The following ERC2 variants were observed in gnomAD, a reference collection of about 807,000 sequenced individuals.
The protein encoded by ERC2 is ERC protein 2.
A neutral mutation model predicts 114.8 loss-of-function variants in ERC2; 42 were observed. That is an observed-to-expected ratio of 0.37 (90% CI 0.29 to 0.47). ERC2 has a LOEUF of 0.47. Among genes scored for constraint, ERC2 ranks in the 20% least tolerant of loss-of-function variants. The probability of loss-of-function intolerance (pLI) is 0.99; values close to 1 mark genes in which losing one functional copy is unlikely to be tolerated. For synonymous variants in ERC2, 454 were observed against 425.5 expected (o/e 1.07, Z -0.82); for missense variants, 939 against 1,150.7 (o/e 0.82, Z 2.66).
intron 17 of ERC2, among the ~76,000 whole-genome samples, chr3:55,568,394 T>C (rs2056505095): frequency 6.6e-6 from 1 of 152,168 alleles, no homozygotes; most frequent in Non-Finnish European, 1.5e-5. Flanking sequence ...TCAAAATTAA[T>C]ATGTCCAAAC....
rs184678700 is a variant in ERC2 at position 56,080,943 on chromosome 3, G to A, written c.1515C>T (p.Phe505=). Residue 505 remains phenylalanine (F), a synonymous_variant, in exon 7 of 18, where the codon TTC becomes TTT. Coordinates refer to ENST00000288221, the MANE Select transcript of ERC2 (RefSeq NM_015576.3). ...GTAGCTGTTTTGTTTTTTTATTGAGGAAAGATTCTTTTTCTTCCAGTCGTA... is the reference window on the plus strand; with the variant it reads ...GTAGCTGTTTTGTTTTTTTATTGAGAAAAGATTCTTTTTCTTCCAGTCGTA... ...LRLRLEEKES[F]LNKKTKQLQD... is the part of the protein sequence containing the mutation. The A allele has an allele frequency of 1.5e-3, 2,407 of 1,613,194 alleles. 6 individuals carry two copies. The highest frequency in any genetic ancestry group is 1.9e-3 in the Non-Finnish European group (2,233 of 1,179,544).
intron 3 of ERC2, among the ~76,000 whole-genome samples, chr3:56,236,930 T>C (rs958027130): frequency 1.3e-5 from 2 of 152,186 alleles, no homozygotes; most frequent in Non-Finnish European, 2.9e-5. Flanking sequence ...ACACGAATGT[T>C]GGTAAAAACA....
At chr3:55,652,859 C>CAA (rs3059334) in intron 17 of ERC2, among the ~76,000 whole-genome samples, 28 of 74,340 alleles carry the variant, frequency 3.8e-4, no homozygotes, top group African/African-American at 1.2e-3. Flanking sequence ...GACTCTGTCT[C>CAA]AAAAAAAAAA....
At chr3:56,331,198 G>A (rs576230312) in intron 2 of ERC2, among the ~76,000 whole-genome samples, 1 of 152,282 alleles carries the variant, frequency 6.6e-6, no homozygotes, top group East Asian at 1.9e-4. Flanking sequence ...TCAGTTTAGA[G>A]AGAATCCCCT....
intron 13 of ERC2, among the ~76,000 whole-genome samples, chr3:55,898,510 G>A (rs189999319): frequency 6.6e-6 from 1 of 152,104 alleles, no homozygotes; most frequent in African/African-American, 2.4e-5. Context: ...CTCTATGTAC[G>A]TCAGCTTCCT....
At chr3:55,682,440 G>C (rs1017450324) in intron 17 of ERC2, among the ~76,000 whole-genome samples, 1 of 152,064 alleles carries the variant, frequency 6.6e-6, no homozygotes. Context: ...GTAGAAAGAT[G>C]TCGTACCTGA....
chr3:55,672,896 A>G (rs2061623282), intron 17 of ERC2, among the ~76,000 whole-genome samples: 1 of 152,198 alleles, frequency 6.6e-6, no homozygotes, highest in Admixed American at 6.5e-5. Flanking sequence ...CTCACATGAA[A>G]AAATGGCTCA....
chr3:56,215,487 A>T (rs2049395815), intron 3 of ERC2, among the ~76,000 whole-genome samples: 1 of 152,256 alleles, frequency 6.6e-6, no homozygotes, highest in Admixed American at 6.5e-5. Context: ...ACCCAGATTC[A>T]TAAAGTAAGT....
intron 17 of ERC2, among the ~76,000 whole-genome samples, chr3:55,511,774 T>A (rs2052085718): frequency 6.6e-6 from 1 of 152,186 alleles, no homozygotes. Flanking sequence ...GTGACAGTCA[T>A]CCATTTGTCT....
intron 17 of ERC2, among the ~76,000 whole-genome samples, chr3:55,532,968 G>A (rs6776868): frequency 0.015 from 2,241 of 152,304 alleles, 59 homozygotes; most frequent in African/African-American, 0.051. Context: ...AAAACTGCCT[G>A]AAACCCTTCT....
At chr3:56,070,254 G>A (rs767034436) in intron 7 of ERC2, among the ~76,000 whole-genome samples, 15 of 152,116 alleles carry the variant, frequency 9.9e-5, no homozygotes, top group African/African-American at 3.6e-4. Context: ...AGTATGTAGG[G>A]AGAAAAACAG....
intron 17 of ERC2, among the ~76,000 whole-genome samples, chr3:55,568,107 T>G (rs2056486289): frequency 6.6e-6 from 1 of 152,244 alleles, no homozygotes; most frequent in Admixed American, 6.5e-5. Flanking sequence ...GAATCTATAT[T>G]CTGCTCATTA....
intron 2 of ERC2, among the ~76,000 whole-genome samples, chr3:56,340,992 T>C (rs1399904211): frequency 6.6e-6 from 1 of 152,020 alleles, no homozygotes; most frequent in Non-Finnish European, 1.5e-5. Context: ...GGGGAAAAAA[T>C]CCTGAAACTA....
At chr3:56,006,491 A>G (rs1000090599) in intron 10 of ERC2, among the ~76,000 whole-genome samples, 4 of 152,086 alleles carry the variant, frequency 2.6e-5, no homozygotes, top group African/African-American at 9.7e-5. Context: ...TATGAGTTTT[A>G]TGTGAACAAT....
At chr3:56,309,464 C>T (rs572080050) in intron 2 of ERC2, among the ~76,000 whole-genome samples, 1 of 152,284 alleles carries the variant, frequency 6.6e-6, no homozygotes, top group Admixed American at 6.5e-5. Context: ...CTGCACTGAG[C>T]TTAGAGTTAA....
chr3:56,116,100 C>T (rs1224399326), intron 6 of ERC2, among the ~76,000 whole-genome samples: 2 of 152,198 alleles, frequency 1.3e-5, no homozygotes, highest in East Asian at 3.9e-4. Context: ...CTGTATGGTC[C>T]CATGTGGCAG....
chr3:55,738,494 C>T (rs1055481728), intron 14 of ERC2, among the ~76,000 whole-genome samples: 1 of 152,114 alleles, frequency 6.6e-6, no homozygotes, highest in African/African-American at 2.4e-5. Context: ...ATATAATTTG[C>T]TCATTTTCCC....
At chr3:56,454,859 AG>A (rs57925640) in intron 1 of ERC2, among the ~76,000 whole-genome samples, 96,910 of 125,550 alleles carry the variant, frequency 0.77, 37,142 homozygotes, top group East Asian at 0.87. Context: ...ACTCTGTCTC[AG>A]AAAAAAAAAA....
intron 1 of ERC2, among the ~76,000 whole-genome samples, chr3:56,454,425 AG>A (rs1264683738): frequency 1.3e-5 from 2 of 152,068 alleles, no homozygotes; most frequent in Non-Finnish European, 2.9e-5. Context: ...AGGGTGTAGA[AG>A]TCCCAGGGTT....
Sources: allele counts gnomAD v4.1 joint callset (sites outside exome capture counted in the v4.1 genomes callset), GRCh38; gene constraint gnomAD v4.1.1; transcripts MANE v1.5; gene names NCBI Gene and HGNC (gene_info 2026-07-23, HGNC 2026-07-21).